Variants in GLIS3 observed in about 807,000 individuals in gnomAD.
GLIS3 encodes zinc finger protein GLIS3.
GLIS3 carries 53 observed loss-of-function variants against 78.6 expected under a neutral mutation model. The ratio of observed to expected loss-of-function variants is 0.67; its 90% CI spans 0.54 to 0.85. GLIS3 has a LOEUF of 0.85. Ranked by LOEUF, GLIS3 falls within the 40% of genes least tolerant of loss-of-function variation. GLIS3 has a pLI of 0.00. For synonymous variants in GLIS3, 684 were observed against 509.9 expected (o/e 1.34, Z -4.60); for missense variants, 1,703 against 1,231.1 (o/e 1.38, Z -5.74).
chr9:4,045,983 C>T (rs1022822020), intron 4 of GLIS3, among the ~76,000 whole-genome samples: 2 of 152,114 alleles, frequency 1.3e-5, no homozygotes, highest in Non-Finnish European at 1.5e-5. Flanking sequence ...TTAGGCTGCT[C>T]ATGACAAGAC....
chr9:3,887,073 A>T (rs57652985), intron 7 of GLIS3, among the ~76,000 whole-genome samples: 2,398 of 152,308 alleles, frequency 0.016, 60 homozygotes, highest in African/African-American at 0.055. Context: ...TCCTTGTGGC[A>T]TGAAAACTTT....
intron 2 of GLIS3, chr9:4,285,600 C>G (rs1297666863): frequency 6.5e-6 from 1 of 154,068 alleles, no homozygotes; most frequent in African/African-American, 2.4e-5. Flanking sequence ...CCAAACACCA[C>G]CTTTCTTCTA....
chr9:3,849,308 G>A (rs749072431), intron 9 of GLIS3, among the ~76,000 whole-genome samples: 47 of 152,278 alleles, frequency 3.1e-4, no homozygotes, highest in African/African-American at 9.4e-4. Flanking sequence ...CAGCCCCTCC[G>A]GTGTGCCTAT....
chr9:4,185,644 G>A (rs545594666), intron 2 of GLIS3, among the ~76,000 whole-genome samples: 2 of 152,288 alleles, frequency 1.3e-5, no homozygotes, highest in East Asian at 3.9e-4. Context: ...AAATATAAAG[G>A]TAATGGCCAG....
the GLIS3 span, among the ~76,000 whole-genome samples, chr9:4,423,212 G>A: frequency 6.6e-6 from 1 of 152,164 alleles, no homozygotes; most frequent in African/African-American, 2.4e-5. Flanking sequence ...AACCTCCTCA[G>A]GTCTGGAGAG....
chr9:3,845,331 C>T (rs568529196), intron 9 of GLIS3, among the ~76,000 whole-genome samples: 4 of 152,076 alleles, frequency 2.6e-5, no homozygotes, highest in Admixed American at 6.5e-5. Flanking sequence ...AGGTGCAGAA[C>T]GTGAGGCCAT....
chr9:3,908,223 A>G (rs1823854603), intron 6 of GLIS3, among the ~76,000 whole-genome samples: 1 of 152,166 alleles, frequency 6.6e-6, no homozygotes, highest in Non-Finnish European at 1.5e-5. Flanking sequence ...TTGTTACTGT[A>G]TAGTAAGGGG....
At chr9:3,949,870 G>A (rs1316610598) in intron 4 of GLIS3, among the ~76,000 whole-genome samples, 6 of 152,182 alleles carry the variant, frequency 3.9e-5, no homozygotes, top group African/African-American at 1.2e-4. Flanking sequence ...TCCAATCTGC[G>A]TCATATCAGA....
chr9:4,489,470 A>T, the GLIS3 span, among the ~76,000 whole-genome samples: 2 of 152,212 alleles, frequency 1.3e-5, no homozygotes, highest in Non-Finnish European at 2.9e-5. Context: ...ACTTAACTTT[A>T]GGAACGCTGA....
chr9:3,933,002 C>T (rs1016739764), intron 5 of GLIS3: 7 of 226,368 alleles, frequency 3.1e-5, no homozygotes, highest in Admixed American at 1.9e-4. Context: ...CAAACAGACA[C>T]GTGAAAAATC....
chr9:4,370,998 C>A, the GLIS3 span, among the ~76,000 whole-genome samples: 1 of 152,098 alleles, frequency 6.6e-6, no homozygotes, highest in African/African-American at 2.4e-5. Flanking sequence ...AAGATGTGAG[C>A]CCTCAAATGT....
intron 9 of GLIS3, among the ~76,000 whole-genome samples, chr9:3,835,890 G>A (rs1588053550): frequency 6.6e-6 from 1 of 152,264 alleles, no homozygotes; most frequent in African/African-American, 2.4e-5. Flanking sequence ...CACACTCCAT[G>A]CCTTTTTGGA....
chr9:4,026,207 G>A (rs1450984663), intron 4 of GLIS3, among the ~76,000 whole-genome samples: 1 of 152,206 alleles, frequency 6.6e-6, no homozygotes, highest in African/African-American at 2.4e-5. Flanking sequence ...CTCAGTTTTA[G>A]TTGAAGAGAG....
chr9:4,255,965 G>A (rs2129942177), intron 2 of GLIS3, among the ~76,000 whole-genome samples: 1 of 152,268 alleles, frequency 6.6e-6, no homozygotes, highest in Non-Finnish European at 1.5e-5. Context: ...CGTGCAGGGA[G>A]TATATGGGAA....
intron 4 of GLIS3, among the ~76,000 whole-genome samples, chr9:4,062,204 T>C (rs529791988): frequency 1.6e-4 from 24 of 152,330 alleles, no homozygotes; most frequent in African/African-American, 4.1e-4. Flanking sequence ...AAATGATACA[T>C]TACCCCTGTG....
intron 2 of GLIS3, among the ~76,000 whole-genome samples, chr9:4,218,560 G>A (rs1156341443): frequency 6.6e-6 from 1 of 152,194 alleles, no homozygotes; most frequent in African/African-American, 2.4e-5. Flanking sequence ...TTACAGGCGT[G>A]AGCCACCGCG....
At chr9:3,867,267 T>G (rs1329436912) in intron 8 of GLIS3, among the ~76,000 whole-genome samples, 1 of 152,230 alleles carries the variant, frequency 6.6e-6, no homozygotes, top group African/African-American at 2.4e-5. Context: ...TATCTTTTTC[T>G]TTTCTTCCGG....
chr9:4,164,793 A>G (rs1586853065), intron 2 of GLIS3, among the ~76,000 whole-genome samples: 1 of 152,234 alleles, frequency 6.6e-6, no homozygotes, highest in Non-Finnish European at 1.5e-5. Flanking sequence ...TCAGGGAGGA[A>G]GGCAGTAAAA....
chr9:4,298,304 C>T (rs1816775702), intron 1 of GLIS3: 1 of 452,766 alleles, frequency 2.2e-6, no homozygotes. Flanking sequence ...TCGCTTCTCG[C>T]CTCCCAAACA....
Sources: allele counts gnomAD v4.1 joint callset (sites outside exome capture counted in the v4.1 genomes callset), GRCh38; gene constraint gnomAD v4.1.1; transcripts MANE v1.5; gene names NCBI Gene and HGNC (gene_info 2026-07-23, HGNC 2026-07-21).